STIMATE: variants seen among roughly 807,000 people sequenced by gnomAD.
STIMATE encodes the protein STIM activating enhancer, also known as store-operated calcium entry regulator STIMATE.
In STIMATE, 15 loss-of-function variants were observed where a neutral mutation model predicts 36.7. The observed-to-expected ratio is 0.41, with a 90% CI of 0.27 to 0.63. STIMATE has a LOEUF of 0.63. Among genes scored for constraint, STIMATE ranks in the 20% least tolerant of loss-of-function variants. The pLI, the probability that STIMATE is intolerant of heterozygous loss-of-function variation, is 0.32. For missense variants in STIMATE, 305 were observed against 397.3 expected (o/e 0.77, Z 1.98); for synonymous variants, 163 against 162.3 (o/e 1.00, Z -0.03).
intron 1 of STIMATE, among the ~76,000 whole-genome samples, chr3:52,865,947 C>A (rs974795134): frequency 6.6e-6 from 1 of 152,164 alleles, no homozygotes; most frequent in Non-Finnish European, 1.5e-5. Context: ...CGTTGTCTAA[C>A]CTTCCTGCTC....
In STIMATE at chr3:52,844,944, G is replaced by A. The variant is rs375601027; in HGVS notation, c.428-3C>T. 1.7e-5 allele frequency: 28 copies of A among 1,613,124 alleles called. No individual in the cohort carries two copies. The highest frequency in any genetic ancestry group is 2.3e-5 in the Non-Finnish European group (27 of 1,179,556). On this transcript the variant is annotated splice_region_variant and splice_polypyrimidine_tract_variant and intron_variant, in intron 4 of 7. Coordinates refer to ENST00000355083, the MANE Select transcript of STIMATE (RefSeq NM_198563.5). ...GGCTCCACACTGCAGAGGGTCTCCT[G>A]CAGGGACAGGCGGGTGCTTAGTCAC...
At chr3:52,870,944 C>T (rs1701393542) in intron 1 of STIMATE, among the ~76,000 whole-genome samples, 1 of 151,930 alleles carries the variant, frequency 6.6e-6, no homozygotes, top group Non-Finnish European at 1.5e-5. Flanking sequence ...AGCACCTTCT[C>T]GACACTCCCA....
rs1700736340 is a variant in STIMATE, at chr3:52,838,060, T to C, written c.*2434A>G. Reference sequence around the variant, plus strand: ...AAGGCCAAACACGAGAGGTGTCCTATGGTCAGACACCCTATTAGACCCCCG... The same window carrying C: ...AAGGCCAAACACGAGAGGTGTCCTACGGTCAGACACCCTATTAGACCCCCG... On this transcript the variant is annotated 3_prime_UTR_variant, in exon 8 of 8. Coordinates refer to ENST00000355083, the MANE Select transcript of STIMATE (RefSeq NM_198563.5). 6.6e-6 allele frequency: 1 copy of C among 152,234 alleles called. No individual in the cohort carries two copies. The highest frequency in any genetic ancestry group is 2.1e-4 in the South Asian group (1 of 4,826). The allele number at this position is 152,234 out of a possible 1,614,324, so 9.4% of individuals were successfully genotyped here.
intron 1 of STIMATE, chr3:52,896,071 A>G: frequency 1.8e-6 from 1 of 570,934 alleles, no homozygotes; most frequent in Non-Finnish European, 3.0e-6. Flanking sequence ...CTTATCAAGG[A>G]CAGGCCACCA....
intron 1 of STIMATE, among the ~76,000 whole-genome samples, 155 bp downstream of exon 1, chr3:52,897,136 G>A (rs886887183): frequency 6.6e-6 from 1 of 152,160 alleles, no homozygotes; most frequent in African/African-American, 2.4e-5. Flanking sequence ...AGGGGCTCGG[G>A]CTACCCCTAG....
At chr3:52,854,033 T>C (rs771726718) in intron 2 of STIMATE, among the ~76,000 whole-genome samples, 3 of 152,232 alleles carry the variant, frequency 2.0e-5, no homozygotes, top group Non-Finnish European at 4.4e-5. Flanking sequence ...AGGATCATAA[T>C]CTGTGAAATA....
intron 1 of STIMATE, among the ~76,000 whole-genome samples, chr3:52,859,457 A>T (rs1575333635): frequency 8.5e-6 from 1 of 118,240 alleles, no homozygotes; most frequent in African/African-American, 3.1e-5. Context: ...GCCTGAGGCC[A>T]GGAGTTTGAG....
intron 3 of STIMATE, among the ~76,000 whole-genome samples, chr3:52,851,476 CAGAGGGCG>C (rs1289308517): frequency 6.6e-6 from 1 of 152,246 alleles, no homozygotes; most frequent in Non-Finnish European, 1.5e-5. Context: ...ACTCTGATGC[CAGAGGGCG>C]CAGCCTGTGC....
intron 4 of STIMATE, among the ~76,000 whole-genome samples, chr3:52,845,939 G>A (rs148183634): frequency 6.6e-4 from 3 of 4,554 alleles, no homozygotes; most frequent in Admixed American, 0.015. Flanking sequence ...TGGGGGTGGC[G>A]GGGGGGCGGG....
At chr3:52,861,788 C>G (rs955724906) in intron 1 of STIMATE, among the ~76,000 whole-genome samples, 28 of 152,302 alleles carry the variant, frequency 1.8e-4, no homozygotes, top group African/African-American at 6.7e-4. Flanking sequence ...CTGCAACCCT[C>G]CATACCAATC....
intron 1 of STIMATE, among the ~76,000 whole-genome samples, chr3:52,883,295 C>T (rs1339679743): frequency 1.3e-5 from 2 of 152,150 alleles, no homozygotes; most frequent in Non-Finnish European, 2.9e-5. Context: ...AATAGCTTGA[C>T]AAAAAATCCA....
At position 52,897,483 on chromosome 3, in the gene STIMATE, G is replaced by A; in HGVS notation, c.-33C>T. The A allele has an allele frequency of 8.2e-7, 1 of 1,216,194 alleles. No homozygotes were observed. The highest frequency in any genetic ancestry group is 3.4e-5 in the East Asian group (1 of 29,294). 75.3% of individuals were successfully genotyped at this position (1,216,194 alleles called of 1,614,324 possible). ...CTCGCGGGAGGGGCGCGAGGGCCCA[G>A]GGCCCGCCCGGCCTCGCTGCCTGCC... is the stretch of plus-strand genomic sequence containing the variant. On this transcript the variant is annotated 5_prime_UTR_variant, in exon 1 of 8. Transcript: ENST00000355083.
At chr3:52,872,342 T>A (rs1323411391) in intron 1 of STIMATE, among the ~76,000 whole-genome samples, 2 of 152,218 alleles carry the variant, frequency 1.3e-5, no homozygotes, top group African/African-American at 2.4e-5. Context: ...ATTCAGTCTG[T>A]CACTTTTAAG....
chr3:52,866,861 T>G (rs1003828462), intron 1 of STIMATE, among the ~76,000 whole-genome samples: 1 of 152,192 alleles, frequency 6.6e-6, no homozygotes, highest in East Asian at 1.9e-4. Flanking sequence ...TGCAGCCCTA[T>G]TTAGAAACTG....
intron 4 of STIMATE, among the ~76,000 whole-genome samples, chr3:52,845,609 G>A (rs1431379918): frequency 6.6e-6 from 1 of 152,186 alleles, no homozygotes; most frequent in Non-Finnish European, 1.5e-5. Flanking sequence ...CGGGGCCCAG[G>A]GCTGTGACAA....
At chr3:52,843,158 G>T in intron 6 of STIMATE, 198 bp from the exon 7 acceptor site, 2 of 1,075,046 alleles carry the variant, frequency 1.9e-6, no homozygotes, top group Non-Finnish European at 2.6e-6. Context: ...TCAGTTTTCT[G>T]ATCAGAGTGT....
At chr3:52,848,608 G>A (rs577384987) in intron 4 of STIMATE, 1 of 152,394 alleles carries the variant, frequency 6.6e-6, no homozygotes, top group South Asian at 2.1e-4. Context: ...GTGGTGGGAG[G>A]GTTTAGGTAT....
At position 52,836,819 on chromosome 3, in the gene STIMATE, C is replaced by CA. The variant is rs1292549506; in HGVS notation, c.*3674dup. The CA allele has an allele frequency of 3.6e-6, 1 of 280,834 alleles. No homozygotes were observed. The highest frequency in any genetic ancestry group is 3.4e-5 in the South Asian group (1 of 29,116). 17.4% of individuals were successfully genotyped at this position (280,834 alleles called of 1,614,324 possible). A position where few individuals can be genotyped will look rare whatever the true frequency, so the allele number is the denominator to read the frequency against. ...AAGTACATCATCTTCTCTTTCATTT[C>CA]AAAAAAACGTTTCCATGAATCCTAC... On this transcript the variant is annotated 3_prime_UTR_variant, in exon 8 of 8. Coordinates refer to ENST00000355083, the MANE Select transcript of STIMATE (RefSeq NM_198563.5).
chr3:52,860,059 T>C (rs1701191179), intron 1 of STIMATE, among the ~76,000 whole-genome samples: 1 of 150,790 alleles, frequency 6.6e-6, no homozygotes, highest in Admixed American at 6.6e-5. Flanking sequence ...AGATTCTTTT[T>C]TTTTTTTTTT....
Sources: allele counts gnomAD v4.1 joint callset (sites outside exome capture counted in the v4.1 genomes callset), GRCh38; gene constraint gnomAD v4.1.1; transcripts MANE v1.5; gene names NCBI Gene and HGNC (gene_info 2026-07-23, HGNC 2026-07-21).